The following PHACTR4 variants were observed in gnomAD, a reference collection of about 807,000 sequenced individuals.
PHACTR4 encodes the protein phosphatase and actin regulator 4, also known as protein phosphatase 1, regulatory subunit 124.
Under a neutral mutation model 72.7 loss-of-function variants are expected in PHACTR4, and 51 were observed. The observed-to-expected ratio is 0.70, with a 90% confidence interval of 0.56 to 0.89. PHACTR4 has a LOEUF of 0.89. PHACTR4 is among the 40% of genes least tolerant of loss of function. The pLI, the probability that PHACTR4 is intolerant of heterozygous loss-of-function variation, is 0.00. For synonymous variants in PHACTR4, 255 were observed against 302.5 expected (o/e 0.84, Z 1.63); for missense variants, 731 against 861.8 (o/e 0.85, Z 1.90).
chr1:28,416,227 A>G (rs1655097267), intron 2 of PHACTR4, among the ~76,000 whole-genome samples: 1 of 152,054 alleles, frequency 6.6e-6, no homozygotes, highest in South Asian at 2.1e-4. Context: ...TTTTTCTCCT[A>G]GTGGTCTTGA....
At chr1:28,409,811 A>G (rs1343731098) in intron 2 of PHACTR4, among the ~76,000 whole-genome samples, 1 of 152,024 alleles carries the variant, frequency 6.6e-6, no homozygotes. Flanking sequence ...ACGACCTTAG[A>G]TAATTTCTTT....
intron 9 of PHACTR4, among the ~76,000 whole-genome samples, chr1:28,486,279 CG>C (rs1660640416): frequency 6.6e-6 from 1 of 151,710 alleles, no homozygotes; most frequent in African/African-American, 2.4e-5. Context: ...TCACTTGAAC[CG>C]GGGAGGCAGA....
intron 2 of PHACTR4, among the ~76,000 whole-genome samples, chr1:28,411,828 AAAAG>A (rs1231693858): frequency 1.3e-5 from 2 of 152,036 alleles, no homozygotes; most frequent in African/African-American, 4.8e-5. Flanking sequence ...AAAAAGGAAA[AAAAG>A]AAAACAGAAA....
In PHACTR4 at chr1:28,466,690, C is replaced by G. The variant is rs769332740; in HGVS notation, c.745C>G (p.Leu249Val). The change falls in exon 6 of 14, where the codon CTC (leucine) becomes GTC (valine). Residue 249 changes from leucine to valine, a missense_variant. Physicochemically the swap from Leu to Val is conservative, Grantham distance 32 (BLOSUM62 1). Coordinates refer to ENST00000373839, the MANE Select transcript of PHACTR4 (RefSeq NM_001048183.3). ...CACTAACACTACTGCTACCCCAAGCCTCACTCATATGGTCCCTGCCAAGCA... is the reference window on the plus strand; with the variant it reads ...CACTAACACTACTGCTACCCCAAGCGTCACTCATATGGTCCCTGCCAAGCA... The part of the protein sequence containing the change: ...ASTNTTATPS[L>V]THMVPAKQPP... 6.2e-7 allele frequency: 1 copy of G among 1,614,044 alleles called. No homozygotes were observed. Among genetic ancestry groups the G allele is most frequent in the East Asian group, 2.2e-5 (1 of 44,888 alleles).
chr1:28,434,485 C>A (rs1441325707), intron 2 of PHACTR4, among the ~76,000 whole-genome samples: 1 of 152,034 alleles, frequency 6.6e-6, no homozygotes, highest in African/African-American at 2.4e-5. Context: ...CCAAGCCCAG[C>A]TAATTTTTGT....
At chr1:28,406,912 A>G (rs1345470145) in intron 1 of PHACTR4, among the ~76,000 whole-genome samples, 1 of 152,106 alleles carries the variant, frequency 6.6e-6, no homozygotes, top group East Asian at 1.9e-4. Context: ...GGCAAAACCA[A>G]TTCCCTTCTT....
At chr1:28,487,727 G>T (rs867497020) in intron 9 of PHACTR4, among the ~76,000 whole-genome samples, 7,626 of 62,892 alleles carry the variant, frequency 0.12, 693 homozygotes, top group African/African-American at 0.31. Context: ...GTTTTTTGTT[G>T]TTTTTTTTTT....
chr1:28,373,148 G>A (rs1025802670), intron 1 of PHACTR4, among the ~76,000 whole-genome samples: 2 of 151,922 alleles, frequency 1.3e-5, no homozygotes, highest in African/African-American at 4.8e-5. Context: ...TTGTGGACAC[G>A]AGGTCTCCCT....
chr1:28,413,828 G>A (rs1654929470), intron 2 of PHACTR4, among the ~76,000 whole-genome samples: 1 of 152,086 alleles, frequency 6.6e-6, no homozygotes, highest in Admixed American at 6.5e-5. Flanking sequence ...AAAAGTGAGG[G>A]ACTAAATAGC....
chr1:28,385,857 C>T (rs112942351), intron 1 of PHACTR4, among the ~76,000 whole-genome samples: 14,407 of 151,532 alleles, frequency 0.095, 1,522 homozygotes, highest in African/African-American at 0.26. Context: ...TCAGGTGATC[C>T]GCCCTCCTTG....
rs539108977 is a variant in PHACTR4 at position 28,465,583 on chromosome 1, T to C, written c.272-102T>C. The C allele has an allele frequency of 8.3e-5, 104 of 1,247,324 alleles. 1 individual carries two copies. In the South Asian group the frequency reaches 1.5e-3, roughly 18 times the overall value. 77.3% of individuals were successfully genotyped at this position (1,247,324 alleles called of 1,614,324 possible). ...CTGGGCAACATAGTGAGACCCTGTC[T>C]CAATTTAAAAAAGAGAGAGAAAGAA... On this transcript the variant is annotated intron_variant, in intron 4 of 13. Coordinates refer to ENST00000373839, the MANE Select transcript of PHACTR4 (RefSeq NM_001048183.3).
Position 28,473,917 on chromosome 1 carries a change from A to G in PHACTR4, c.1187A>G (p.Lys396Arg). 2 of 1,614,196 alleles carry G rather than the reference A, an allele frequency of 1.2e-6. No homozygotes were observed. The highest frequency in any genetic ancestry group is 1.7e-6 in the Non-Finnish European group (2 of 1,180,028). ...GAAGATCAGAAAAAGGAAGTCCCCAAGAGGATACTGGACCAGAACTTTGGG... is the reference window on the plus strand; with the variant it reads ...GAAGATCAGAAAAAGGAAGTCCCCAGGAGGATACTGGACCAGAACTTTGGG... ...QQEDQKKEVPKRILDQNFGEP... is the reference protein window; with the variant it reads ...QQEDQKKEVPRRILDQNFGEP... The change falls in exon 7 of 14, where the codon AAG becomes AGG. Residue 396 changes from lysine to arginine, a missense_variant. This residue lies in a region of PHACTR4 where 621 missense variants were observed against 676.6 expected (regional missense o/e 0.92). Coordinates refer to ENST00000373839, the MANE Select transcript of PHACTR4 (RefSeq NM_001048183.3).
chr1:28,382,416 G>T (rs1463681642), intron 1 of PHACTR4, among the ~76,000 whole-genome samples: 6 of 151,642 alleles, frequency 4.0e-5, no homozygotes, highest in Non-Finnish European at 8.8e-5. Context: ...CCATTCTCCT[G>T]CCTCAGCCTC....
At chr1:28,407,360 G>A (rs1470413588) in intron 1 of PHACTR4, 50 bp from the exon 2 acceptor site, 2 of 976,998 alleles carry the variant, frequency 2.0e-6, no homozygotes, top group Admixed American at 2.2e-5. Context: ...AGCATAAAAG[G>A]TGATGGACTA....
At chr1:28,488,605 C>T (rs1393166845) in intron 9 of PHACTR4, among the ~76,000 whole-genome samples, 3 of 149,112 alleles carry the variant, frequency 2.0e-5, no homozygotes, top group Non-Finnish European at 4.4e-5. Context: ...CTATCCTGGG[C>T]AACAGAGTGA....
intron 1 of PHACTR4, among the ~76,000 whole-genome samples, chr1:28,385,917 T>C (rs1257544516): frequency 6.6e-6 from 1 of 151,862 alleles, no homozygotes; most frequent in Non-Finnish European, 1.5e-5. Flanking sequence ...GCCCGGCTGG[T>C]TTTAAGTGAA....
At chr1:28,468,982 C>T (rs995179747) in intron 6 of PHACTR4, among the ~76,000 whole-genome samples, 1 of 151,988 alleles carries the variant, frequency 6.6e-6, no homozygotes, top group African/African-American at 2.4e-5. Context: ...GGTAAATAGC[C>T]CAAAACAATA....
intron 1 of PHACTR4, among the ~76,000 whole-genome samples, chr1:28,397,298 G>C (rs1168676821): frequency 6.6e-6 from 1 of 152,040 alleles, no homozygotes; most frequent in Non-Finnish European, 1.5e-5. Context: ...AATCCCACTT[G>C]AATCCCCAAA....
At chr1:28,433,132 G>C (rs1656386657) in intron 2 of PHACTR4, 1 of 968,666 alleles carries the variant, frequency 1.0e-6, no homozygotes, top group South Asian at 4.8e-5. Flanking sequence ...AAGCTGGGGA[G>C]AATAAGTACT....
Sources: allele counts gnomAD v4.1 joint callset (sites outside exome capture counted in the v4.1 genomes callset), GRCh38; gene constraint gnomAD v4.1.1; regional missense constraint gnomAD v4.1.1; transcripts MANE v1.5; gene names NCBI Gene and HGNC (gene_info 2026-07-23, HGNC 2026-07-21).